The following PDE4D variants were observed in gnomAD, a reference collection of about 807,000 sequenced individuals.
PDE4D encodes the protein phosphodiesterase 4D.
PDE4D carries 24 observed loss-of-function variants against 87.4 expected under a neutral mutation model. The ratio of observed to expected loss-of-function variants is 0.27; its 90% CI spans 0.20 to 0.39. The LOEUF (loss-of-function observed/expected upper bound fraction) is 0.39, where lower values mean the gene tolerates loss of function less well. PDE4D is among the 10% of genes least tolerant of loss of function. The pLI is 1.00. For missense variants in PDE4D, 714 were observed against 1,041.0 expected (o/e 0.69, Z 4.32); for synonymous variants, 384 against 383.2 (o/e 1.00, Z -0.02).
chr5:60,185,549 T>C, intron 2 of PDE4D: 1 of 1,521,986 alleles, frequency 6.6e-7, no homozygotes, highest in South Asian at 1.2e-5. Context: ...AAAACAAAAG[T>C]TACTTACACT....
intron 1 of PDE4D, among the ~76,000 whole-genome samples, chr5:59,885,268 GTC>G (rs1411017408): frequency 2.0e-5 from 3 of 152,032 alleles, no homozygotes; most frequent in Non-Finnish European, 4.4e-5. Context: ...AGGAAAAACA[GTC>G]TTTTTATTTT....
At chr5:59,532,121 T>C (rs1242690531) in intron 1 of PDE4D, among the ~76,000 whole-genome samples, 3 of 152,114 alleles carry the variant, frequency 2.0e-5, no homozygotes, top group Non-Finnish European at 2.9e-5. Flanking sequence ...GCGCTAGACA[T>C]AGACCCTTAC....
At chr5:59,404,664 T>TTAAAAAAA (rs1397620171) in intron 1 of PDE4D, among the ~76,000 whole-genome samples, 1 of 137,100 alleles carries the variant, frequency 7.3e-6, no homozygotes, top group African/African-American at 2.7e-5. Context: ...AGACTCTGTC[T>TTAAAAAAA]AAAAAAAAAA....
intron 6 of PDE4D, among the ~76,000 whole-genome samples, chr5:59,016,784 T>C (rs1754093157): frequency 6.6e-6 from 1 of 152,082 alleles, no homozygotes; most frequent in Non-Finnish European, 1.5e-5. Context: ...ACTCATGCAC[T>C]CAACAAACAC....
At chr5:59,470,669 C>T (rs890580406) in intron 1 of PDE4D, among the ~76,000 whole-genome samples, 1 of 151,990 alleles carries the variant, frequency 6.6e-6, no homozygotes, top group South Asian at 2.1e-4. Context: ...AATTGATTTA[C>T]TTTGTTTTTC....
chr5:60,263,751 A>G (rs1749888269), intron 1 of PDE4D, among the ~76,000 whole-genome samples: 1 of 152,168 alleles, frequency 6.6e-6, no homozygotes, highest in South Asian at 2.1e-4. Flanking sequence ...AAATCAAGCA[A>G]TGAAAACCTA....
At chr5:60,034,046 C>G (rs945589657) in intron 2 of PDE4D, among the ~76,000 whole-genome samples, 1 of 152,158 alleles carries the variant, frequency 6.6e-6, no homozygotes, top group Non-Finnish European at 1.5e-5. Context: ...CTTGTCCTCC[C>G]TCTCAGAGGA....
chr5:59,149,059 G>C (rs1779092462), intron 5 of PDE4D, among the ~76,000 whole-genome samples: 1 of 152,054 alleles, frequency 6.6e-6, no homozygotes, highest in Admixed American at 6.6e-5. Context: ...GCAATCATCA[G>C]CTCATGGGAT....
At chr5:59,825,877 T>C (rs6885294) in intron 1 of PDE4D, among the ~76,000 whole-genome samples, 37,779 of 152,102 alleles carry the variant, frequency 0.25, 5,229 homozygotes, top group Admixed American at 0.35. Flanking sequence ...TACTCAATTG[T>C]TCTGCAATTA....
At chr5:60,155,174 A>T (rs1781856623) in intron 2 of PDE4D, among the ~76,000 whole-genome samples, 1 of 152,198 alleles carries the variant, frequency 6.6e-6, no homozygotes, top group South Asian at 2.1e-4. Flanking sequence ...ACTGCCAAAG[A>T]GTTTTTCAAG....
intron 2 of PDE4D, among the ~76,000 whole-genome samples, chr5:60,171,026 T>C (rs1783379173): frequency 6.6e-6 from 1 of 152,032 alleles, no homozygotes; most frequent in African/African-American, 2.4e-5. Flanking sequence ...AGAAACTATC[T>C]TCTAGATACT....
chr5:59,194,185 G>C (rs1311871300), intron 2 of PDE4D, among the ~76,000 whole-genome samples: 1 of 152,224 alleles, frequency 6.6e-6, no homozygotes, highest in Non-Finnish European at 1.5e-5. Context: ...GTCTTGGAGG[G>C]ACAGGGAAGG....
intron 5 of PDE4D, among the ~76,000 whole-genome samples, chr5:59,090,183 A>C (rs1429983759): frequency 6.6e-6 from 1 of 152,198 alleles, no homozygotes; most frequent in Non-Finnish European, 1.5e-5. Context: ...AACTGTGTAA[A>C]AGCATATAAA....
At chr5:60,458,995 G>C (rs1746711672) in intron 1 of PDE4D, among the ~76,000 whole-genome samples, 1 of 151,604 alleles carries the variant, frequency 6.6e-6, no homozygotes, top group African/African-American at 2.4e-5. Flanking sequence ...GTGTGTGTGT[G>C]TGTGTGTTGT....
intron 5 of PDE4D, among the ~76,000 whole-genome samples, chr5:59,145,834 A>G (rs988334137): frequency 2.0e-5 from 3 of 152,120 alleles, no homozygotes; most frequent in African/African-American, 7.2e-5. Flanking sequence ...AGGTTTAAAA[A>G]CCCAAAATCT....
intron 1 of PDE4D, among the ~76,000 whole-genome samples, chr5:59,547,860 A>G (rs1422840460): frequency 6.6e-6 from 1 of 152,178 alleles, no homozygotes; most frequent in Admixed American, 6.6e-5. Context: ...AGTCAGTCAC[A>G]ATTGACTCAA....
intron 1 of PDE4D, among the ~76,000 whole-genome samples, chr5:59,747,959 C>G (rs1046041645): frequency 6.6e-6 from 1 of 152,174 alleles, no homozygotes; most frequent in African/African-American, 2.4e-5. Flanking sequence ...TGACAACACA[C>G]CCTTTGCCCA....
chr5:60,307,762 A>G (rs1251202708), intron 1 of PDE4D, among the ~76,000 whole-genome samples: 1 of 152,278 alleles, frequency 6.6e-6, no homozygotes, highest in African/African-American at 2.4e-5. Flanking sequence ...AATGGCAAAT[A>G]AGAACAATGT....
chr5:60,449,549 C>T (rs879549871), intron 1 of PDE4D, among the ~76,000 whole-genome samples: 8 of 150,178 alleles, frequency 5.3e-5, no homozygotes, highest in East Asian at 2.0e-4. Flanking sequence ...TGCTAGATGA[C>T]GAGTTAGTGG....
Sources: gnomAD v4.1 joint callset for allele counts (sites outside exome capture counted in the v4.1 genomes callset) on GRCh38, gnomAD v4.1.1 for gene constraint, MANE v1.5 for transcripts, NCBI Gene and HGNC (gene_info 2026-07-23, HGNC 2026-07-21) for gene names.